JARID2: variants seen among roughly 807,000 people sequenced by gnomAD.
JARID2 encodes the protein protein Jumonji.
JARID2 carries 21 observed loss-of-function variants against 125.6 expected under a neutral mutation model. That is an observed-to-expected ratio of 0.17 (90% confidence interval 0.12 to 0.24). The LOEUF (loss-of-function observed/expected upper bound fraction) is 0.24, where lower values mean the gene tolerates loss of function less well. Ranked by LOEUF, JARID2 falls within the 10% of genes least tolerant of loss-of-function variation. JARID2 has a pLI of 1.00. For synonymous variants in JARID2, 736 were observed against 661.6 expected, an observed-to-expected ratio of 1.11 and a Z score of -1.73; for missense variants, 1,303 against 1,639.6, an observed-to-expected ratio of 0.79 and a Z score of 3.55.
intron 1 of JARID2, among the ~76,000 whole-genome samples, chr6:15,362,875 G>A (rs149787277): frequency 6.6e-6 from 1 of 152,148 alleles, no homozygotes; most frequent in Non-Finnish European, 1.5e-5. Flanking sequence ...AGACAGACAG[G>A]ATTACCTGGA....
At chr6:15,330,589 T>C (rs1762674772) in intron 1 of JARID2, among the ~76,000 whole-genome samples, 1 of 152,228 alleles carries the variant, frequency 6.6e-6, no homozygotes, top group Non-Finnish European at 1.5e-5. Flanking sequence ...AAAGGGACAA[T>C]GTATTTCAAA....
At chr6:15,517,112 C>G in intron 16 of JARID2, 49 bp from the exon 17 acceptor site, 1 of 1,393,890 alleles carries the variant, frequency 7.2e-7, no homozygotes, top group South Asian at 1.2e-5. Context: ...CCTCCCAGGG[C>G]GCTGTGGAGC....
chr6:15,427,380 A>G (rs751245600), intron 3 of JARID2, among the ~76,000 whole-genome samples: 1 of 152,002 alleles, frequency 6.6e-6, no homozygotes, highest in Non-Finnish European at 1.5e-5. Context: ...GCATTTGTTT[A>G]TTTTCTAGAA....
chr6:15,482,705 G>C (rs1424565289), intron 5 of JARID2, among the ~76,000 whole-genome samples: 1 of 151,900 alleles, frequency 6.6e-6, no homozygotes, highest in Admixed American at 6.5e-5. Context: ...GGTCTTTGTA[G>C]ATGATTTCAG....
At chr6:15,494,214 C>CTGAT (rs1184628541) in intron 6 of JARID2, among the ~76,000 whole-genome samples, 2 of 152,124 alleles carry the variant, frequency 1.3e-5, no homozygotes, top group African/African-American at 4.8e-5. Context: ...ATAAACTTCA[C>CTGAT]TGATACTTCA....
chr6:15,480,245 G>A (rs899480367), intron 5 of JARID2, among the ~76,000 whole-genome samples: 1 of 152,020 alleles, frequency 6.6e-6, no homozygotes. Context: ...CCATCTTCAG[G>A]GTCTTCTTTT....
chr6:15,483,104 T>G (rs9383062), intron 5 of JARID2, among the ~76,000 whole-genome samples: 39,433 of 152,150 alleles, frequency 0.26, 5,261 homozygotes, highest in East Asian at 0.37. Flanking sequence ...GAAAAAAATC[T>G]AGTAACTAAG....
chr6:15,511,213 C>G (rs1357554891), intron 12 of JARID2, 83 bp from the exon 13 acceptor site: 3 of 953,338 alleles, frequency 3.1e-6, no homozygotes, highest in Non-Finnish European at 5.1e-6. Flanking sequence ...GCTCGGGTCC[C>G]TGAGGGTGAC....
At chr6:15,292,547 A>G (rs955822460) in intron 1 of JARID2, among the ~76,000 whole-genome samples, 13 of 152,222 alleles carry the variant, frequency 8.5e-5, no homozygotes, top group Admixed American at 8.5e-4. Flanking sequence ...TTTGCCAGAA[A>G]TGTAACACTC....
At chr6:15,301,872 T>C (rs989711338) in intron 1 of JARID2, among the ~76,000 whole-genome samples, 1 of 152,176 alleles carries the variant, frequency 6.6e-6, no homozygotes, top group African/African-American at 2.4e-5. Context: ...AGAGAACTAC[T>C]TTTCTGGAGC....
At chr6:15,400,936 G>T in intron 2 of JARID2, 1 of 1,289,468 alleles carries the variant, frequency 7.8e-7, no homozygotes, top group Non-Finnish European at 1.0e-6. Flanking sequence ...TCTCTGCAAT[G>T]ATCCGGCTCT....
At chr6:15,310,432 A>C (rs1761975036) in intron 1 of JARID2, among the ~76,000 whole-genome samples, 1 of 152,156 alleles carries the variant, frequency 6.6e-6, no homozygotes, top group African/African-American at 2.4e-5. Context: ...CATTACTCCA[A>C]CCATAACAGA....
intron 2 of JARID2, among the ~76,000 whole-genome samples, chr6:15,389,261 G>A (rs1317411568): frequency 6.6e-6 from 1 of 152,174 alleles, no homozygotes; most frequent in Non-Finnish European, 1.5e-5. Flanking sequence ...ACCGCCCCCA[G>A]CAACCCTCCC....
chr6:15,444,423 C>T (rs571943653), intron 3 of JARID2, among the ~76,000 whole-genome samples: 6 of 152,226 alleles, frequency 3.9e-5, no homozygotes, highest in Middle Eastern at 3.4e-3. Context: ...TGCTCGCAAC[C>T]GCACTTGCAT....
intron 5 of JARID2, among the ~76,000 whole-genome samples, chr6:15,485,455 A>G (rs1769822170): frequency 5.3e-5 from 8 of 152,226 alleles, no homozygotes; most frequent in Admixed American, 5.2e-4. Context: ...AGGGAGAGAG[A>G]AAATCTGGAG....
chr6:15,500,873 A>C (rs560474806), intron 7 of JARID2, 34 bp from the exon 8 acceptor site: 3 of 1,556,764 alleles, frequency 1.9e-6, no homozygotes, highest in Non-Finnish European at 2.6e-6. Flanking sequence ...CTCTTTCACT[A>C]ACTGTCCCGT....
intron 1 of JARID2, among the ~76,000 whole-genome samples, chr6:15,307,140 G>A (rs1246962921): frequency 6.6e-6 from 1 of 151,770 alleles, no homozygotes; most frequent in African/African-American, 2.4e-5. Context: ...TACTCAGGAG[G>A]CTGAGGCGGG....
intron 3 of JARID2, among the ~76,000 whole-genome samples, chr6:15,411,345 T>C (rs13203744): frequency 0.014 from 2,100 of 152,206 alleles, 22 homozygotes; most frequent in Non-Finnish European, 0.021. Context: ...TTAAGATTCC[T>C]GTTTTCAGGA....
At chr6:15,396,519 C>T (rs994539010) in intron 2 of JARID2, among the ~76,000 whole-genome samples, 1 of 152,100 alleles carries the variant, frequency 6.6e-6, no homozygotes, top group African/African-American at 2.4e-5. Context: ...CGCCCATATC[C>T]ATGGGTGATA....
Sources: gnomAD v4.1 joint callset for allele counts (sites outside exome capture counted in the v4.1 genomes callset) on GRCh38, gnomAD v4.1.1 for gene constraint, MANE v1.5 for transcripts, NCBI Gene and HGNC (gene_info 2026-07-23, HGNC 2026-07-21) for gene names.